ZNF879: variants seen among roughly 807,000 people sequenced by gnomAD.
The protein encoded by ZNF879 is zinc finger protein 879.
A neutral mutation model predicts 44.3 loss-of-function variants in ZNF879; 32 were observed. That is an observed-to-expected ratio of 0.72 (90% CI 0.54 to 0.97). ZNF879 has a LOEUF of 0.97. Among genes scored for constraint, ZNF879 ranks in the 50% least tolerant of loss-of-function variants. The pLI, the probability that ZNF879 is intolerant of heterozygous loss-of-function variation, is 0.00. For missense variants in ZNF879, 621 were observed against 669.7 expected (o/e 0.93, Z 0.80); for synonymous variants, 234 against 233.2 (o/e 1.00, Z -0.03).
intron 2 of ZNF879, among the ~76,000 whole-genome samples, chr5:179,026,933 A>G (rs1286033536): frequency 6.6e-6 from 1 of 152,174 alleles, no homozygotes; most frequent in Non-Finnish European, 1.5e-5. Context: ...CTGGCTTGAA[A>G]GGTTATGTAG....
intron 4 of ZNF879, among the ~76,000 whole-genome samples, chr5:179,029,693 A>G (rs538776215): frequency 2.0e-5 from 3 of 151,626 alleles, no homozygotes; most frequent in African/African-American, 7.2e-5. Context: ...TTTACCAACT[A>G]TGATCAATTA....
chr5:179,032,235 C>T lies in ZNF879; in HGVS notation c.287C>T (p.Ser96Phe). 1 of 1,527,140 alleles carries T rather than the reference C, an allele frequency of 6.5e-7. No homozygotes were observed. The highest frequency in any genetic ancestry group is 1.3e-5 in the South Asian group (1 of 78,640). The allele number at this position is 1,527,140 out of a possible 1,614,324, so 94.6% of individuals were successfully genotyped here. The change falls in exon 5 of 5, where the codon TCT (serine) becomes TTT (phenylalanine). Residue 96 changes from serine (S) to phenylalanine (F), a missense_variant. Transcript: ENST00000444149. Reference sequence around the variant, plus strand: ...GAAAGCTTGTTTGGAACCATAGTTTCTAAAGAAGAAAATCAGGAAGTCATG... The same window carrying T: ...GAAAGCTTGTTTGGAACCATAGTTTTTAAAGAAGAAAATCAGGAAGTCATG... The part of the protein sequence containing the change: ...GWESLFGTIV[S>F]KEENQEVMKK...
chr5:179,026,891 G>A (rs1406478063), intron 2 of ZNF879, among the ~76,000 whole-genome samples: 3 of 152,184 alleles, frequency 2.0e-5, no homozygotes, highest in Non-Finnish European at 4.4e-5. Flanking sequence ...TTCTGGGGTG[G>A]GGAGGGAGAC....
Position 179,032,662 on chromosome 5 carries a change from G to A in ZNF879, c.714G>A (p.Arg238=), listed in dbSNP as rs529202311. ...AGCTCTATAAATGTAAGGAATGTAG[G>A]AAAGCCTTCAGCCAAAGCTCATCCC... is the stretch of plus-strand genomic sequence containing the variant. ...GEKLYKCKEC[R]KAFSQSSSLT... is the part of the protein sequence containing the mutation. Residue 238 remains arginine, a synonymous_variant, in exon 5 of 5, where the codon AGG becomes AGA. Coordinates refer to ENST00000444149, the MANE Select transcript of ZNF879 (RefSeq NM_001136116.3). 6.4e-7 allele frequency: 1 copy of A among 1,568,068 alleles called. No homozygotes were observed. Among genetic ancestry groups the A allele is most frequent in the Non-Finnish European group, 8.6e-7 (1 of 1,156,628 alleles).
rs1191089765 is a variant in ZNF879 at position 179,034,854 on chromosome 5, A to C, written c.*1214A>C. The stretch of plus-strand genomic sequence containing the variant: ...TTTATCAGGAGGGGGCAAGCACTTA[A>C]GGGCTGAAACGACCCATTTCATAAA... On this transcript the variant is annotated 3_prime_UTR_variant, in exon 5 of 5. Transcript: ENST00000444149. The C allele has an allele frequency of 6.6e-6, 1 of 152,196 alleles. No individual in the cohort carries two copies. Among genetic ancestry groups the C allele is most frequent in the Non-Finnish European group, 1.5e-5 (1 of 68,028 alleles). 9.4% of individuals were successfully genotyped at this position (152,196 alleles called of 1,614,324 possible).
At position 179,027,596 on chromosome 5, in the gene ZNF879, C is replaced by T. The variant is rs550370859; in HGVS notation, c.157C>T (p.Leu53=). The T allele has an allele frequency of 6.2e-7, 1 of 1,613,844 alleles. No homozygotes were observed. Among genetic ancestry groups the T allele is most frequent in the East Asian group, 2.2e-5 (1 of 44,862 alleles). The change falls in exon 3 of 5, where the codon CTG becomes TTG. Residue 53 remains leucine, a synonymous_variant. Transcript: ENST00000444149. The part of the protein sequence containing the change: ...MLENYSILVS[L]GILFSKPKVI... ...GGAGAACTACAGCATCCTGGTCTCA[C>T]TGGGTAAGGAACTTTCCTCCTGATG...
intron 4 of ZNF879, among the ~76,000 whole-genome samples, chr5:179,030,976 G>A (rs945126024): frequency 3.3e-5 from 5 of 152,066 alleles, no homozygotes; most frequent in East Asian, 3.9e-4. Context: ...TTGCCTCTGC[G>A]CTCTATTCGT....
At chr5:179,025,788 A>G (rs192023683) in intron 2 of ZNF879, among the ~76,000 whole-genome samples, 58 of 152,226 alleles carry the variant, frequency 3.8e-4, no homozygotes, top group African/African-American at 1.4e-3. Flanking sequence ...ATGGTGGTGC[A>G]TGCCTATAGT....
At chr5:179,026,355 GA>G (rs1394963663) in intron 2 of ZNF879, among the ~76,000 whole-genome samples, 3 of 152,208 alleles carry the variant, frequency 2.0e-5, no homozygotes, top group Non-Finnish European at 4.4e-5. Flanking sequence ...ATATTTGCAT[GA>G]AAATCACCTG....
rs1372819289 is a variant in ZNF879 at position 179,033,060 on chromosome 5, C to G, written c.1112C>G (p.Pro371Arg). 1 of 1,561,316 alleles carries G rather than the reference C, an allele frequency of 6.4e-7. No individual in the cohort carries two copies. Among genetic ancestry groups the G allele is most frequent in the African/African-American group, 1.4e-5 (1 of 73,208 alleles). ...CATCGAATTCATACTGGAGAGAAAC[C>G]CTTTCATTGTAACGAGTGTGGAAAA... ...RHHRIHTGEKPFHCNECGKVF... is the reference protein window; with the variant it reads ...RHHRIHTGEKRFHCNECGKVF... Residue 371 changes from proline (P) to arginine (R), a missense_variant, in exon 5 of 5, where the codon CCC becomes CGC. Pro to Arg is a moderately radical substitution (Grantham distance 103). Coordinates refer to ENST00000444149, the MANE Select transcript of ZNF879 (RefSeq NM_001136116.3).
At chr5:179,026,257 A>C (rs1461818694) in intron 2 of ZNF879, among the ~76,000 whole-genome samples, 1 of 152,218 alleles carries the variant, frequency 6.6e-6, no homozygotes, top group Non-Finnish European at 1.5e-5. Context: ...TCATCTGTAC[A>C]CTGAACTACT....
Position 179,034,321 on chromosome 5 carries a change from T to G in ZNF879, c.*681T>G, listed in dbSNP as rs1343119783. On this transcript the variant is annotated 3_prime_UTR_variant, in exon 5 of 5. Coordinates refer to ENST00000444149, the MANE Select transcript of ZNF879 (RefSeq NM_001136116.3). Reference sequence around the variant, plus strand: ...CACAGAACGCATGGTATTTCACTTGTTTTTCTCATTAAAAGTGATTACCTT... The same window carrying G: ...CACAGAACGCATGGTATTTCACTTGGTTTTCTCATTAAAAGTGATTACCTT... The G allele has an allele frequency of 6.6e-6, 1 of 152,224 alleles. No individual in the cohort carries two copies. The highest frequency in any genetic ancestry group is 6.5e-5 in the Admixed American group (1 of 15,284). 9.4% of individuals were successfully genotyped at this position (152,224 alleles called of 1,614,324 possible).
Position 179,033,743 on chromosome 5 carries a change from T to G in ZNF879, c.*103T>G. On this transcript the variant is annotated 3_prime_UTR_variant, in exon 5 of 5. Transcript: ENST00000444149. ...GTGATGAAGAGTAGTTAATCATAGGTAAAACTTCAGCATTAGACCTCATCA... is the reference window on the plus strand; with the variant it reads ...GTGATGAAGAGTAGTTAATCATAGGGAAAACTTCAGCATTAGACCTCATCA... 1.1e-6 allele frequency: 1 copy of G among 875,838 alleles called. No homozygotes were observed. The highest frequency in any genetic ancestry group is 1.7e-6 in the Non-Finnish European group (1 of 589,268). The allele number at this position is 875,838 out of a possible 1,614,324, so 54.3% of individuals were successfully genotyped here.
At chr5:179,025,394 T>C (rs1336521859) in intron 2 of ZNF879, among the ~76,000 whole-genome samples, 1 of 152,046 alleles carries the variant, frequency 6.6e-6, no homozygotes, top group African/African-American at 2.4e-5. Context: ...TTCAACAAGT[T>C]GGCAAGGCTG....
At position 179,033,558 on chromosome 5, in the gene ZNF879, A is replaced by G; in HGVS notation, c.1610A>G (p.Glu537Gly). The G allele has an allele frequency of 1.3e-6, 2 of 1,552,336 alleles. No individual in the cohort carries two copies. The highest frequency in any genetic ancestry group is 1.2e-5 in the South Asian group (1 of 83,890). Reference sequence around the variant, plus strand: ...ACACACATGAGAATTCATACAGGGGAAAAACCTTATAAATGTAAAGAATGT... The same window carrying G: ...ACACACATGAGAATTCATACAGGGGGAAAACCTTATAAATGTAAAGAATGT... ...LMTHMRIHTG[E>G]KPYKCKECGK... The change falls in exon 5 of 5, where the codon GAA (glutamate) becomes GGA (glycine). Residue 537 changes from glutamate to glycine, a missense_variant. Coordinates refer to ENST00000444149, the MANE Select transcript of ZNF879 (RefSeq NM_001136116.3).
At chr5:179,025,155 T>TA in intron 2 of ZNF879, 118 bp downstream of exon 2, 1 of 1,133,600 alleles carries the variant, frequency 8.8e-7, no homozygotes. Context: ...GAGGGCTTGG[T>TA]AGCTGAGAAA....
In ZNF879 at chr5:179,030,569, C is replaced by T. The variant is rs191546739; in HGVS notation, c.257-1636C>T. On this transcript the variant is annotated intron_variant, in intron 4 of 4. Transcript: ENST00000444149. ...AATGGAGGTAAAGGAAGCTTAATTT[C>T]AATCCATTTTAATTTTTTAATTAAG... 1.8e-3 allele frequency among the ~76,000 whole-genome samples: 273 copies of T among 152,248 alleles called. 1 individual carries two copies. The highest frequency in any genetic ancestry group is 6.2e-3 in the African/African-American group (257 of 41,542).
At chr5:179,026,329 A>C (rs1467274825) in intron 2 of ZNF879, among the ~76,000 whole-genome samples, 1 of 152,198 alleles carries the variant, frequency 6.6e-6, no homozygotes, top group African/African-American at 2.4e-5. Context: ...TTTTATTTTT[A>C]TTTAAATATA....
At chr5:179,031,577 T>A (rs1228064783) in intron 4 of ZNF879, among the ~76,000 whole-genome samples, 1 of 152,264 alleles carries the variant, frequency 6.6e-6, no homozygotes, top group Non-Finnish European at 1.5e-5. Context: ...TTTCTTACAG[T>A]TCTCATTGCT....
Sources: allele counts gnomAD v4.1 joint callset (sites outside exome capture counted in the v4.1 genomes callset), GRCh38; gene constraint gnomAD v4.1.1; transcripts MANE v1.5; gene names NCBI Gene and HGNC (gene_info 2026-07-23, HGNC 2026-07-21).